PCDHA4: variants seen among roughly 807,000 people sequenced by gnomAD.
The protein encoded by PCDHA4 is protocadherin alpha-4.
PCDHA4 carries 49 observed loss-of-function variants against 61.4 expected under a neutral mutation model. The observed-to-expected ratio is 0.80, with a 90% confidence interval of 0.63 to 1.01. PCDHA4 has a LOEUF of 1.01. PCDHA4 is among the 50% of genes least tolerant of loss of function. The pLI, the probability that PCDHA4 is intolerant of heterozygous loss-of-function variation, is 0.00. For synonymous variants in PCDHA4, 590 were observed against 550.3 expected (o/e 1.07, Z -1.01); for missense variants, 1,254 against 1,235.8 (o/e 1.01, Z -0.22).
chr5:140,938,113 C>CT (rs1337308557), intron 1 of PCDHA4, among the ~76,000 whole-genome samples: 1 of 152,056 alleles, frequency 6.6e-6, no homozygotes, highest in Non-Finnish European at 1.5e-5. Context: ...TACTTTCTCT[C>CT]TTTTTTTAAA....
intron 1 of PCDHA4, chr5:140,834,155 GT>G: frequency 3.7e-6 from 2 of 535,854 alleles, no homozygotes; most frequent in South Asian, 3.0e-5. Context: ...GTAATGGTTT[GT>G]AATTCTTACT....
intron 1 of PCDHA4, among the ~76,000 whole-genome samples, chr5:140,923,629 G>A (rs1350871926): frequency 6.6e-6 from 1 of 152,138 alleles, no homozygotes; most frequent in Non-Finnish European, 1.5e-5. Flanking sequence ...TTATCCAAAA[G>A]GCAAAAATCT....
chr5:140,824,282 T>C, intron 1 of PCDHA4: 1 of 1,076,050 alleles, frequency 9.3e-7, no homozygotes, highest in Non-Finnish European at 1.4e-6. Context: ...ATATGCTTTT[T>C]ATGAGGCTTT....
intron 1 of PCDHA4, chr5:140,867,619 C>G (rs1554161426): frequency 6.6e-6 from 1 of 152,174 alleles, no homozygotes; most frequent in African/African-American, 2.4e-5. Context: ...AACTATAGAA[C>G]AAAATATTTA....
chr5:140,890,069 A>C (rs1554184149), intron 1 of PCDHA4, among the ~76,000 whole-genome samples: 1 of 152,204 alleles, frequency 6.6e-6, no homozygotes, highest in Non-Finnish European at 1.5e-5. Flanking sequence ...TTACTGGCTT[A>C]TGAGAACTGA....
intron 1 of PCDHA4, chr5:140,829,759 G>A: frequency 6.2e-7 from 1 of 1,613,768 alleles, no homozygotes; most frequent in Non-Finnish European, 8.5e-7. Flanking sequence ...TGTTCGTGCT[G>A]GACGAGAACG....
intron 1 of PCDHA4, among the ~76,000 whole-genome samples, chr5:140,921,714 C>T (rs942328848): frequency 2.0e-5 from 3 of 152,046 alleles, no homozygotes; most frequent in South Asian, 2.1e-4. Context: ...AGTAAACACA[C>T]GAATTACTCC....
At chr5:140,911,759 T>A (rs2075630155) in intron 1 of PCDHA4, among the ~76,000 whole-genome samples, 3 of 152,026 alleles carry the variant, frequency 2.0e-5, no homozygotes, top group South Asian at 2.1e-4. Context: ...TTCTCCATAC[T>A]ATTAGAAGTA....
intron 1 of PCDHA4, chr5:140,822,072 G>C: frequency 6.2e-7 from 1 of 1,614,228 alleles, no homozygotes; most frequent in South Asian, 1.1e-5. Context: ...GGCGGAGGGC[G>C]GAGTGCAGCA....
chr5:140,900,634 A>G (rs918199903), intron 1 of PCDHA4, among the ~76,000 whole-genome samples: 7 of 152,152 alleles, frequency 4.6e-5, no homozygotes, highest in Non-Finnish European at 1.0e-4. Flanking sequence ...AATCTTGGCT[A>G]TTGTGAACAC....
At chr5:140,857,723 G>C (rs782731784) in intron 1 of PCDHA4, 1 of 1,597,514 alleles carries the variant, frequency 6.3e-7, no homozygotes, top group Non-Finnish European at 8.6e-7. Flanking sequence ...GGACGAGAAC[G>C]ACAACGCTCC....
chr5:140,812,237 G>A (rs2126636620), intron 1 of PCDHA4: 1 of 151,596 alleles, frequency 6.6e-6, no homozygotes, highest in African/African-American at 2.4e-5. Flanking sequence ...ATTATGTCTT[G>A]GTAGTTTGTA....
rs140822878 is a variant in PCDHA4 at position 140,941,951 on chromosome 5, A to C, written c.2386-36998A>C. Among the ~76,000 whole-genome samples the C allele has an allele frequency of 9.8e-5, 15 of 152,306 alleles. No individual in the cohort carries two copies. The East Asian group carries it at 2.7e-3, about 27-fold the overall frequency. On this transcript the variant is annotated intron_variant, in intron 1 of 3. Transcript: ENST00000530339. Reference sequence around the variant, plus strand: ...ATATTTGAATTACTTTTGTTTTGAAAACAATAGTATCTTTACTTTCCCTAA... The same window carrying C: ...ATATTTGAATTACTTTTGTTTTGAACACAATAGTATCTTTACTTTCCCTAA...
chr5:140,876,094 C>T lies in PCDHA4; in HGVS notation c.2385+66522C>T, dbSNP rs782479233. 13 of 1,613,808 alleles carry T rather than the reference C, an allele frequency of 8.1e-6. No homozygotes were observed. In the Admixed American group the frequency reaches 1.5e-4, roughly 19 times the overall value. On this transcript the variant is annotated intron_variant, in intron 1 of 3. Transcript: ENST00000530339. ...ATTGGACAGAGAGCAAACGCCAAAA[C>T]TCAATTTATTGCTGATGGTAATCGA...
In PCDHA4 at chr5:140,876,316, A is replaced by G. The variant is rs782671827; in HGVS notation, c.2385+66744A>G. ...TAATGGAGAAATTTCCTATGGGATC[A>G]AAATGATTTTGCCAGTGAGTGAGAA... is the stretch of plus-strand genomic sequence containing the variant. On this transcript the variant is annotated intron_variant, in intron 1 of 3. Transcript: ENST00000530339. 4 of 1,613,952 alleles carry G rather than the reference A, an allele frequency of 2.5e-6. No individual in the cohort carries two copies. Among genetic ancestry groups the G allele is most frequent in the Admixed American group, 3.3e-5 (2 of 60,018 alleles).
intron 1 of PCDHA4, chr5:140,835,444 C>T (rs1773641752): frequency 6.2e-7 from 1 of 1,613,922 alleles, no homozygotes; most frequent in Non-Finnish European, 8.5e-7. Context: ...ACTCTCACTT[C>T]CCTGTCTCTC....
rs114181547 is a variant in PCDHA4, at chr5:140,916,746, T to C, written c.2386-62203T>C. Among the ~76,000 whole-genome samples, 1,217 of 152,314 alleles carry C rather than the reference T, an allele frequency of 8.0e-3. 6 individuals carry two copies. Among genetic ancestry groups the C allele is most frequent in the African/African-American group, 0.019 (786 of 41,576 alleles). ...TTTTGTTGCTGCAAGCTTCACTGCC[T>C]GGGATTAGGGGAGGGGTGGCACAAG... On this transcript the variant is annotated intron_variant, in intron 1 of 3. Coordinates refer to ENST00000530339, the MANE Select transcript of PCDHA4 (RefSeq NM_018907.4).
intron 1 of PCDHA4, chr5:140,850,234 TGGTGCTGCGGTC>T (rs1344981647): frequency 6.3e-7 from 1 of 1,593,808 alleles, no homozygotes; most frequent in East Asian, 2.2e-5. Flanking sequence ...GTGAGCGAGA[TGGTGCTGCGGTC>T]GGTGGGCGCC....
intron 1 of PCDHA4, among the ~76,000 whole-genome samples, chr5:140,885,040 T>C (rs2060438917): frequency 6.6e-6 from 1 of 152,226 alleles, no homozygotes; most frequent in African/African-American, 2.4e-5. Context: ...AATTTTTAGT[T>C]TAATGTATAC....
Sources: allele counts gnomAD v4.1 joint callset (sites outside exome capture counted in the v4.1 genomes callset), GRCh38; gene constraint gnomAD v4.1.1; transcripts MANE v1.5; gene names NCBI Gene and HGNC (gene_info 2026-07-23, HGNC 2026-07-21).